Variants in TRIM3 observed in about 807,000 individuals in gnomAD.
The protein encoded by TRIM3 is tripartite motif containing 3.
TRIM3 carries 13 observed loss-of-function variants against 66.6 expected under a neutral mutation model. The ratio of observed to expected loss-of-function variants is 0.20; its 90% CI spans 0.13 to 0.31. The LOEUF (loss-of-function observed/expected upper bound fraction) is 0.31. Among genes scored for constraint, TRIM3 ranks in the 10% least tolerant of loss-of-function variants. TRIM3 has a pLI of 1.00. For synonymous variants in TRIM3, 406 were observed against 411.7 expected (o/e 0.99, Z 0.17); for missense variants, 711 against 1,020.4 (o/e 0.70, Z 4.13).
chr11:6,466,408 A>G (rs2134219671), intron 1 of TRIM3, among the ~76,000 whole-genome samples: 1 of 152,294 alleles, frequency 6.6e-6, no homozygotes, highest in South Asian at 2.1e-4. Context: ...CTTTTCATTT[A>G]TCTTCCTTGA....
Position 6,449,275 on chromosome 11 carries a change from C to A in TRIM3, c.2082+31G>T, listed in dbSNP as rs1849620104. On this transcript the variant is annotated intron_variant, in intron 11 of 11. Transcript: ENST00000345851. The surrounding 1 kb of genome is among the most constrained non-coding windows in gnomAD (Gnocchi z 5.3). ...GCATATGGGACACACCAGGAAACCG[C>A]CCCCTCATGTCATTCCCAGGCCTTA... is the stretch of plus-strand genomic sequence containing the variant. 6.2e-7 allele frequency: 1 copy of A among 1,610,872 alleles called. No individual in the cohort carries two copies. Among genetic ancestry groups the A allele is most frequent in the East Asian group, 2.2e-5 (1 of 44,784 alleles).
rs773414582 is a variant in TRIM3, at chr11:6,462,399, CT to C, written c.131+3165del. Among the ~76,000 whole-genome samples, 477 of 151,344 alleles carry C rather than the reference CT, an allele frequency of 3.2e-3. 3 individuals carry two copies. The highest frequency in any genetic ancestry group is 0.011 in the African/African-American group (447 of 41,276). On this transcript the variant is annotated intron_variant, in intron 2 of 11. Coordinates refer to ENST00000345851, the MANE Select transcript of TRIM3 (RefSeq NM_033278.4). The stretch of plus-strand genomic sequence containing the variant: ...TTACTGTGTAGCCTTGGAAATATTT[CT>C]TTTTTTTTATTTGTTTATTTAATTT...
chr11:6,463,570 G>T (rs953723183), intron 2 of TRIM3, among the ~76,000 whole-genome samples: 1 of 152,204 alleles, frequency 6.6e-6, no homozygotes, highest in African/African-American at 2.4e-5. Flanking sequence ...CAGCCACAGG[G>T]TCCAGGATGG....
chr11:6,449,226 TGA>T lies in TRIM3; in HGVS notation c.2083-48_2083-47del. On this transcript the variant is annotated intron_variant, in intron 11 of 11. Transcript: ENST00000345851. This position sits in a 1 kb window ranked among gnomAD's most constrained non-coding sequence, Gnocchi z 5.3. ...GGAGGGAGAGGCAAGATCAGGCAGA[TGA>T]GAGTCTGTTTTGGGGGAACGGGCAT... 6.2e-7 allele frequency: 1 copy of T among 1,610,118 alleles called. No homozygotes were observed. The highest frequency in any genetic ancestry group is 8.5e-7 in the Non-Finnish European group (1 of 1,176,526).
chr11:6,455,979 T>C, intron 7 of TRIM3, 93 bp downstream of exon 7: 2 of 1,261,770 alleles, frequency 1.6e-6, no homozygotes, highest in Non-Finnish European at 2.3e-6. Flanking sequence ...GGTTCCATCT[T>C]CCAGGAGGTG....
chr11:6,461,864 A>T (rs1259547569), intron 2 of TRIM3, among the ~76,000 whole-genome samples: 3 of 152,148 alleles, frequency 2.0e-5, no homozygotes, highest in Admixed American at 6.5e-5. Context: ...GTATATATAT[A>T]TTTTTAAAAA....
In TRIM3 at chr11:6,448,962, C is replaced by T; in HGVS notation, c.*66G>A. The T allele has an allele frequency of 1.3e-6, 2 of 1,593,302 alleles. No individual in the cohort carries two copies. On this transcript the variant is annotated 3_prime_UTR_variant, in exon 12 of 12. Coordinates refer to ENST00000345851, the MANE Select transcript of TRIM3 (RefSeq NM_033278.4). ...CTGCCAGGTCTGGCCCACCTCCCAG[C>T]CAGACCCTCTTGTCCAATCACCCCA...
intron 1 of TRIM3, among the ~76,000 whole-genome samples, chr11:6,472,315 A>G (rs527787671): frequency 3.3e-5 from 5 of 152,302 alleles, no homozygotes; most frequent in African/African-American, 1.2e-4. Flanking sequence ...AGATTGTACC[A>G]TGAGCCCATG....
At chr11:6,465,195 G>GGACA (rs1243567687) in intron 2 of TRIM3, among the ~76,000 whole-genome samples, 1 of 152,116 alleles carries the variant, frequency 6.6e-6, no homozygotes, top group Non-Finnish European at 1.5e-5. Context: ...AAGCAGGGAA[G>GGACA]GACAGACCTA....
Position 6,449,723 on chromosome 11 carries a change from A to G in TRIM3, c.1942-277T>C. 7.8e-6 allele frequency: 3 copies of G among 383,702 alleles called. No individual in the cohort carries two copies. Among genetic ancestry groups the G allele is most frequent in the African/African-American group, 2.0e-5 (1 of 49,318 alleles). 23.8% of individuals were successfully genotyped at this position (383,702 alleles called of 1,614,324 possible). A position where few individuals can be genotyped will look rare whatever the true frequency, so the allele number is the denominator to read the frequency against. On this transcript the variant is annotated intron_variant, in intron 10 of 11. Coordinates refer to ENST00000345851, the MANE Select transcript of TRIM3 (RefSeq NM_033278.4). The surrounding 1 kb of genome is among the most constrained non-coding windows in gnomAD (Gnocchi z 5.3). Reference sequence around the variant, plus strand: ...AATGACTGGTGCCACCCAGCTGGCCATGAGTCACTCTTGACTCCAATTTCT... The same window carrying G: ...AATGACTGGTGCCACCCAGCTGGCCGTGAGTCACTCTTGACTCCAATTTCT...
In TRIM3 at chr11:6,450,596, G is replaced by C. The variant is rs1304874619; in HGVS notation, c.1896C>G (p.Asn632Lys). The C allele has an allele frequency of 6.2e-7, 1 of 1,614,200 alleles. No individual in the cohort carries two copies. Among genetic ancestry groups the C allele is most frequent in the Non-Finnish European group, 8.5e-7 (1 of 1,180,030 alleles). ...FAGPHFVAVN[N>K]KNEIVVTDFH... ...AGTCCGTTACTACAATTTCATTCTT[G>C]TTGTTCACAGCCACAAAATGGGGCC... The change falls in exon 10 of 12, where the codon AAC (asparagine) becomes AAG (lysine). Residue 632 changes from asparagine to lysine, a missense_variant. This residue lies in a region of TRIM3 where 163 missense variants were observed against 321.9 expected (regional missense o/e 0.51). Coordinates refer to ENST00000345851, the MANE Select transcript of TRIM3 (RefSeq NM_033278.4). The surrounding 1 kb of genome is among the most constrained non-coding windows in gnomAD (Gnocchi z 4.8).
In TRIM3 at chr11:6,450,658, G is replaced by C. The variant is rs757482301; in HGVS notation, c.1871-37C>G. 10 of 1,597,542 alleles carry C rather than the reference G, an allele frequency of 6.3e-6. No individual in the cohort carries two copies. The highest frequency in any genetic ancestry group is 1.7e-5 in the Admixed American group (1 of 60,012). ...AAGTGGTCTTCAGGGCAGTAAGCTG[G>C]GATGCTGAGTGGGATGGGGAAGAGT... On this transcript the variant is annotated intron_variant, in intron 9 of 11. Transcript: ENST00000345851. The surrounding 1 kb of genome is among the most constrained non-coding windows in gnomAD (Gnocchi z 4.8).
At chr11:6,451,716 ATAAAC>A (rs1457987988) in intron 7 of TRIM3, 1 of 421,686 alleles carries the variant, frequency 2.4e-6, no homozygotes, top group Non-Finnish European at 4.3e-6. Flanking sequence ...AGGATGCCAC[ATAAAC>A]CAAATTCGGC....
In TRIM3 at chr11:6,457,509, G is replaced by A. The variant is rs975858064; in HGVS notation, c.516-33C>T. The stretch of plus-strand genomic sequence containing the variant: ...GGGAATATCTCATTCCAGAGTTGCT[G>A]AGGGTGGCTTTGCCGAACTTTCCCT... On this transcript the variant is annotated intron_variant, in intron 4 of 11. Transcript: ENST00000345851. This position sits in a 1 kb window ranked among gnomAD's most constrained non-coding sequence, Gnocchi z 4.5. 6.2e-7 allele frequency: 1 copy of A among 1,603,468 alleles called. No individual in the cohort carries two copies. The highest frequency in any genetic ancestry group is 8.5e-7 in the Non-Finnish European group (1 of 1,173,900).
At chr11:6,465,948 T>A (rs1184598810) in intron 1 of TRIM3, among the ~76,000 whole-genome samples, 1 of 152,226 alleles carries the variant, frequency 6.6e-6, no homozygotes, top group Non-Finnish European at 1.5e-5. Context: ...CAAACCTGGC[T>A]CAGTCTCTCA....
rs778196798 is a variant in TRIM3 at position 6,451,369 on chromosome 11, G to A, written c.1603C>T (p.Arg535Cys). 20 of 1,614,078 alleles carry A rather than the reference G, an allele frequency of 1.2e-5. No individual in the cohort carries two copies. The highest frequency in any genetic ancestry group is 1.6e-5 in the Non-Finnish European group (19 of 1,180,042). The stretch of plus-strand genomic sequence containing the variant: ...GTGTCCACTGCCACACCTGTGGGGC[G>A]CTGCAGCTGCCCAGGTGAGCGTCCT... Reference protein sequence around the residue: ...VRGRSPGQLQRPTGVAVDTNG... With the variant: ...VRGRSPGQLQCPTGVAVDTNG... The change falls in exon 8 of 12, where the codon CGC (arginine) becomes TGC (cysteine). Residue 535 changes from arginine (R) to cysteine (C), a missense_variant. Coordinates refer to ENST00000345851, the MANE Select transcript of TRIM3 (RefSeq NM_033278.4).
At chr11:6,459,076 G>A (rs143479802) in intron 2 of TRIM3, among the ~76,000 whole-genome samples, 2 of 152,308 alleles carry the variant, frequency 1.3e-5, no homozygotes, top group South Asian at 2.1e-4. Context: ...TCAAGCAGGT[G>A]GAGAGGGTGT....
At chr11:6,474,080 GCC>G (rs1264804407), upstream of TRIM3, 1 of 99,348 alleles carries the variant, frequency 1.0e-5, no homozygotes, top group Non-Finnish European at 2.0e-5. Flanking sequence ...GCACCCGCAC[GCC>G]CCCCCGCCAA....
At chr11:6,470,001 A>G (rs949928377) in intron 1 of TRIM3, among the ~76,000 whole-genome samples, 4 of 152,230 alleles carry the variant, frequency 2.6e-5, no homozygotes, top group East Asian at 3.8e-4. Flanking sequence ...GGCAAAAGAT[A>G]TATCATGCAA....
Sources: allele counts gnomAD v4.1 joint callset (sites outside exome capture counted in the v4.1 genomes callset), GRCh38; gene constraint gnomAD v4.1.1; regional missense constraint gnomAD v4.1.1; non-coding constraint Gnocchi (gnomAD v3.1); transcripts MANE v1.5; gene names NCBI Gene and HGNC (gene_info 2026-07-23, HGNC 2026-07-21).